Variants in ARHGAP21 observed in about 807,000 individuals in gnomAD.
ARHGAP21 encodes Rho GTPase activating protein 21, also known as rho GTPase-activating protein 21.
A neutral mutation model predicts 164.6 loss-of-function variants in ARHGAP21; 38 were observed. The observed-to-expected ratio is 0.23, with a 90% CI of 0.18 to 0.30. The LOEUF is 0.30. Among genes scored for constraint, ARHGAP21 ranks in the 10% least tolerant of loss-of-function variants. ARHGAP21 has a pLI of 1.00. For synonymous variants in ARHGAP21, 766 were observed against 857.9 expected (o/e 0.89, Z 1.87); for missense variants, 1,822 against 2,370.7 (o/e 0.77, Z 4.81).
intron 2 of ARHGAP21, among the ~76,000 whole-genome samples, chr10:24,691,655 T>G (rs12161720): frequency 0.28 from 42,846 of 152,128 alleles, 6,189 homozygotes; most frequent in South Asian, 0.37. Context: ...TTATGTCCTA[T>G]AAATACAACT....
chr10:24,704,533 C>G (rs916682338), intron 2 of ARHGAP21, among the ~76,000 whole-genome samples: 2 of 151,426 alleles, frequency 1.3e-5, no homozygotes, highest in African/African-American at 4.9e-5. Context: ...GGCACAATCT[C>G]GGCTCACTGC....
At chr10:24,711,561 A>G (rs533477891) in intron 2 of ARHGAP21, among the ~76,000 whole-genome samples, 1 of 152,318 alleles carries the variant, frequency 6.6e-6, no homozygotes, top group African/African-American at 2.4e-5. Flanking sequence ...GAGAATCAAC[A>G]TGGAAATCTC....
intron 2 of ARHGAP21, among the ~76,000 whole-genome samples, chr10:24,691,037 G>A (rs1055409673): frequency 6.6e-6 from 1 of 152,044 alleles, no homozygotes; most frequent in Non-Finnish European, 1.5e-5. Flanking sequence ...TAACAGGAAT[G>A]TCTTAAAATA....
chr10:24,602,091 G>C lies in ARHGAP21; in HGVS notation c.2734C>G (p.Gln912Glu). 1 of 1,613,118 alleles carries C rather than the reference G, an allele frequency of 6.2e-7. No homozygotes were observed. Among genetic ancestry groups the C allele is most frequent in the South Asian group, 1.1e-5 (1 of 90,860 alleles). The change falls in exon 13 of 26, where the codon CAA (glutamine) becomes GAA (glutamate). Residue 912 changes from glutamine to glutamate, a missense_variant. This residue lies in a region of ARHGAP21 where 1,090 missense variants were observed against 1,378.9 expected (regional missense o/e 0.79). Coordinates refer to ENST00000396432, the MANE Select transcript of ARHGAP21 (RefSeq NM_020824.4). ...SLKGIKIADS[Q>E]KSSEDSGSRK... ...GACCCAGAGTCTTCTGATGACTTTT[G>C]GCTGTCTGCGATCTATAGAAAAGAC...
At chr10:24,631,428 C>T (rs1835847785) in intron 6 of ARHGAP21, among the ~76,000 whole-genome samples, 1 of 152,140 alleles carries the variant, frequency 6.6e-6, no homozygotes, top group Non-Finnish European at 1.5e-5. Context: ...ACTATCTCCA[C>T]CAAATGCTTC....
chr10:24,715,988 G>A (rs1457220120), intron 2 of ARHGAP21, among the ~76,000 whole-genome samples: 1 of 151,434 alleles, frequency 6.6e-6, no homozygotes, highest in Non-Finnish European at 1.5e-5. Flanking sequence ...AAGCCTGCGT[G>A]ACAATGCAAG....
At chr10:24,687,519 A>G (rs900217389) in intron 2 of ARHGAP21, among the ~76,000 whole-genome samples, 1 of 152,202 alleles carries the variant, frequency 6.6e-6, no homozygotes, top group African/African-American at 2.4e-5. Flanking sequence ...AACTAGACAA[A>G]ACCAGAGAAA....
chr10:24,700,814 T>C (rs566073483), intron 2 of ARHGAP21, among the ~76,000 whole-genome samples: 88 of 152,322 alleles, frequency 5.8e-4, no homozygotes, highest in Non-Finnish European at 1.1e-3. Context: ...CTTTTGGCCA[T>C]TGAAGGCAGA....
intron 4 of ARHGAP21, among the ~76,000 whole-genome samples, chr10:24,666,238 G>C (rs1378638995): frequency 6.6e-6 from 1 of 152,062 alleles, no homozygotes; most frequent in Non-Finnish European, 1.5e-5. Context: ...CGCTGTGTTA[G>C]CCAGGATAGT....
At position 24,620,901 on chromosome 10, in the gene ARHGAP21, G is replaced by A; in HGVS notation, c.994C>T (p.Gln332Ter). 6.2e-7 allele frequency: 1 copy of A among 1,613,954 alleles called. No homozygotes were observed. Among genetic ancestry groups the A allele is most frequent in the South Asian group, 1.1e-5 (1 of 91,070 alleles). ...TCCAGTGATCTGGAGCCTGCAGGCT[G>A]ATGAATTAGATGAGTGGTGGGAATT... ...LSIPTTHLIH[Q>*]PAGSRSLEPS... Residue 332 changes from glutamine to a stop codon, truncating the protein, a stop_gained, in exon 9 of 26, where the codon CAG (glutamine) becomes TAG (stop). Coordinates refer to ENST00000396432, the MANE Select transcript of ARHGAP21 (RefSeq NM_020824.4). LOFTEE classifies it high-confidence loss of function.
chr10:24,649,284 C>A (rs750635155), intron 4 of ARHGAP21, among the ~76,000 whole-genome samples: 1 of 152,106 alleles, frequency 6.6e-6, no homozygotes, highest in South Asian at 2.1e-4. Context: ...AAAATTATAT[C>A]CTAAAATATT....
intron 4 of ARHGAP21, among the ~76,000 whole-genome samples, chr10:24,638,729 C>T (rs1488213311): frequency 6.6e-6 from 1 of 152,180 alleles, no homozygotes; most frequent in Non-Finnish European, 1.5e-5. Flanking sequence ...CTAACCTTAT[C>T]AAAAGAGAGT....
intron 7 of ARHGAP21, among the ~76,000 whole-genome samples, chr10:24,623,087 C>T (rs549313178): frequency 8.5e-5 from 13 of 152,278 alleles, no homozygotes; most frequent in Admixed American, 5.9e-4. Context: ...CTTCCCTCCA[C>T]GAAAGCAACA....
At chr10:24,639,859 C>CAAA (rs1836806844) in intron 4 of ARHGAP21, among the ~76,000 whole-genome samples, 2 of 150,688 alleles carry the variant, frequency 1.3e-5, no homozygotes, top group African/African-American at 4.9e-5. Context: ...AAATCATTTG[C>CAAA]AACATCTAAA....
intron 4 of ARHGAP21, among the ~76,000 whole-genome samples, chr10:24,654,292 G>A (rs1276544664): frequency 6.6e-6 from 1 of 152,208 alleles, no homozygotes; most frequent in Admixed American, 6.5e-5. Context: ...TCAGGCAAGA[G>A]AGAGAAATAA....
chr10:24,585,030 T>A lies in ARHGAP21; in HGVS notation c.5259A>T (p.Glu1753Asp). Residue 1753 changes from glutamate (E) to aspartate (D), a missense_variant, in exon 26 of 26, where the codon GAA becomes GAT. Physicochemically the swap from Glu to Asp is conservative, Grantham distance 45. Around this residue, in one of 5 missense-constraint regions of ARHGAP21, gnomAD observed 117 missense variants for 193.2 expected, o/e 0.61. Transcript: ENST00000396432. ...TCCATGTGGGTTCCTGTTTTTCGGA[T>A]TCGCCTCTGGTGGGTGTCAGTAAAC... Reference protein sequence around the residue: ...TGSLLTPTRGESEKQEPTWKT... With the variant: ...TGSLLTPTRGDSEKQEPTWKT... 1.2e-6 allele frequency: 2 copies of A among 1,613,956 alleles called. No individual in the cohort carries two copies. The highest frequency in any genetic ancestry group is 1.7e-6 in the Non-Finnish European group (2 of 1,179,868).
chr10:24,589,208 C>A, intron 25 of ARHGAP21, 63 bp downstream of exon 25: 1 of 1,419,692 alleles, frequency 7.0e-7, no homozygotes, highest in Non-Finnish European at 9.9e-7. Flanking sequence ...GTGTATCAAC[C>A]ATAACAATCA....
chr10:24,680,140 C>CTTAA, intron 2 of ARHGAP21, among the ~76,000 whole-genome samples: 1 of 152,308 alleles, frequency 6.6e-6, no homozygotes, highest in Non-Finnish European at 1.5e-5. Context: ...GGCTGGTTTA[C>CTTAA]ATCACAGTAA....
rs1834337303 is a variant in ARHGAP21 at position 24,619,536 on chromosome 10, C to T, written c.2359G>A (p.Glu787Lys). The T allele has an allele frequency of 6.2e-7, 1 of 1,614,008 alleles. No homozygotes were observed. Among genetic ancestry groups the T allele is most frequent in the Admixed American group, 1.7e-5 (1 of 59,988 alleles). The change falls in exon 9 of 26, where the codon GAG becomes AAG. Residue 787 changes from glutamate to lysine, a missense_variant. Transcript: ENST00000396432. The part of the protein sequence containing the change: ...ARREVHIKRM[E>K]ERKASSTSPP... Reference sequence around the variant, plus strand: ...CTGGTACTCGAGGCTTTTCTTTCCTCCATTCTTTTTATGTGGACCTCTCGA... The same window carrying T: ...CTGGTACTCGAGGCTTTTCTTTCCTTCATTCTTTTTATGTGGACCTCTCGA...
Sources: gnomAD v4.1 joint callset for allele counts (sites outside exome capture counted in the v4.1 genomes callset) on GRCh38, gnomAD v4.1.1 for gene constraint, gnomAD v4.1.1 regional missense constraint, MANE v1.5 for transcripts, NCBI Gene and HGNC (gene_info 2026-07-23, HGNC 2026-07-21) for gene names.